Variants in COX7B2 observed in about 807,000 individuals in gnomAD.
The protein encoded by COX7B2 is cytochrome c oxidase subunit 7B2, mitochondrial.
For missense variants in COX7B2, 109 were observed against 95.9 expected (o/e 1.14, Z -0.57); for synonymous variants, 37 against 32.1 (o/e 1.15, Z -0.51).
At chr4:46,797,239 T>C (rs921659982) in intron 2 of COX7B2, among the ~76,000 whole-genome samples, 23 of 151,724 alleles carry the variant, frequency 1.5e-4, no homozygotes, top group Non-Finnish European at 2.8e-4. Flanking sequence ...AGAATAACTG[T>C]ACACTGGGGA....
intron 1 of COX7B2, among the ~76,000 whole-genome samples, chr4:46,868,437 T>A (rs1171326470): frequency 2.6e-5 from 4 of 152,242 alleles, no homozygotes; most frequent in African/African-American, 4.8e-5. Context: ...TTCTTGCTTC[T>A]CTAATTCTTT....
At chr4:46,883,712 A>T (rs1718891975) in intron 1 of COX7B2, among the ~76,000 whole-genome samples, 1 of 151,944 alleles carries the variant, frequency 6.6e-6, no homozygotes, top group Admixed American at 6.6e-5. Flanking sequence ...GTGAGCCAAG[A>T]TTGTGTTACT....
chr4:46,781,743 G>C (rs562264928), intron 2 of COX7B2, among the ~76,000 whole-genome samples: 158 of 152,324 alleles, frequency 1.0e-3, no homozygotes, highest in African/African-American at 3.6e-3. Context: ...GTTCCGGGTG[G>C]GCGCAGGCTC....
chr4:46,829,026 A>G (rs1381676880), intron 2 of COX7B2, among the ~76,000 whole-genome samples: 1 of 152,176 alleles, frequency 6.6e-6, no homozygotes, highest in East Asian at 1.9e-4. Flanking sequence ...TCAAATGAAG[A>G]AAACTATGAA....
intron 2 of COX7B2, among the ~76,000 whole-genome samples, chr4:46,744,966 A>C (rs1217608559): frequency 6.6e-6 from 1 of 152,032 alleles, no homozygotes; most frequent in Non-Finnish European, 1.5e-5. Flanking sequence ...TCCTGAGCTC[A>C]GGCAATCTGC....
At chr4:46,878,166 C>T (rs1718463604) in intron 1 of COX7B2, among the ~76,000 whole-genome samples, 1 of 151,778 alleles carries the variant, frequency 6.6e-6, no homozygotes, top group African/African-American at 2.4e-5. Context: ...TGTGTGATTT[C>T]ACTTATATGC....
At chr4:46,810,925 G>A (rs1021239179) in intron 2 of COX7B2, among the ~76,000 whole-genome samples, 1 of 152,064 alleles carries the variant, frequency 6.6e-6, no homozygotes, top group Non-Finnish European at 1.5e-5. Context: ...ACTACTCTTG[G>A]CTGATAGATT....
chr4:46,894,418 G>C (rs765735639), intron 1 of COX7B2, among the ~76,000 whole-genome samples: 10 of 152,000 alleles, frequency 6.6e-5, no homozygotes, highest in Non-Finnish European at 1.2e-4. Context: ...AAACGGTGCT[G>C]GAATAACAGG....
intron 1 of COX7B2, among the ~76,000 whole-genome samples, chr4:46,849,896 G>C (rs1716552795): frequency 1.3e-5 from 2 of 151,940 alleles, no homozygotes; most frequent in African/African-American, 2.4e-5. Context: ...TTAAGAATAT[G>C]TTCATATAAC....
In COX7B2 at chr4:46,881,199, T is replaced by A. The variant is rs957134685; in HGVS notation, c.-105+27961A>T. The stretch of plus-strand genomic sequence containing the variant: ...AGCCTCAGGAAGACCTGACGACATG[T>A]GCCCAAGGTGGTCAGGGCACAGCTT... On this transcript the variant is annotated intron_variant, in intron 1 of 2. Coordinates refer to ENST00000355591, the MANE Select transcript of COX7B2 (RefSeq NM_130902.3). Among the ~76,000 whole-genome samples, 20 of 152,248 alleles carry A rather than the reference T, an allele frequency of 1.3e-4. 1 individual carries two copies. Among genetic ancestry groups the A allele is most frequent in the South Asian group, 1.2e-3 (6 of 4,826 alleles).
intron 2 of COX7B2, among the ~76,000 whole-genome samples, chr4:46,812,922 C>A (rs1011198441): frequency 3.3e-5 from 5 of 152,136 alleles, no homozygotes; most frequent in African/African-American, 4.8e-5. Flanking sequence ...CAGGCTGCTG[C>A]CTCACCTATT....
At chr4:46,862,177 A>G (rs1717375581) in intron 1 of COX7B2, among the ~76,000 whole-genome samples, 1 of 152,228 alleles carries the variant, frequency 6.6e-6, no homozygotes, top group Admixed American at 6.5e-5. Context: ...CCCTTATTAA[A>G]AAGGAGAAAA....
At chr4:46,765,588 A>C (rs1047181143) in intron 2 of COX7B2, among the ~76,000 whole-genome samples, 1 of 151,800 alleles carries the variant, frequency 6.6e-6, no homozygotes, top group Non-Finnish European at 1.5e-5. Context: ...CCAACAGCAG[A>C]CAATCCCCCA....
chr4:46,780,193 T>C (rs1051811253), intron 2 of COX7B2, among the ~76,000 whole-genome samples: 5 of 152,180 alleles, frequency 3.3e-5, no homozygotes, highest in Non-Finnish European at 5.9e-5. Context: ...AACTCAGCTA[T>C]GACTAAAGGT....
At chr4:46,899,268 G>T (rs1293605215) in intron 1 of COX7B2, among the ~76,000 whole-genome samples, 1 of 152,064 alleles carries the variant, frequency 6.6e-6, no homozygotes. Context: ...TTTCAAGCTA[G>T]ATTTCAGTAC....
chr4:46,882,146 G>C (rs190737694), intron 1 of COX7B2, among the ~76,000 whole-genome samples: 2 of 152,206 alleles, frequency 1.3e-5, no homozygotes, highest in Non-Finnish European at 1.5e-5. Context: ...TTATTGTACT[G>C]TGATCTGAGA....
intron 1 of COX7B2, among the ~76,000 whole-genome samples, chr4:46,898,802 G>A (rs1390713095): frequency 2.0e-5 from 3 of 152,096 alleles, no homozygotes; most frequent in African/African-American, 7.2e-5. Context: ...AACATTGCCT[G>A]TAGCATCTGA....
At position 46,765,003 on chromosome 4, in the gene COX7B2, C is replaced by A. The variant is rs572058882; in HGVS notation, c.-49-29762G>T. Among the ~76,000 whole-genome samples the A allele has an allele frequency of 3.3e-5, 5 of 151,924 alleles. No homozygotes were observed. The South Asian group carries it at 8.3e-4, about 25-fold the overall frequency. The stretch of plus-strand genomic sequence containing the variant: ...TTCTGAACTTATTCTGAAGTGTTAA[C>A]ATGCACAAAATTCAAAACAAATAAA... On this transcript the variant is annotated intron_variant, in intron 2 of 2. Transcript: ENST00000355591.
chr4:46,836,696 T>G (rs1715538249), intron 2 of COX7B2, among the ~76,000 whole-genome samples: 1 of 152,124 alleles, frequency 6.6e-6, no homozygotes, highest in African/African-American at 2.4e-5. Flanking sequence ...TATAATGAAC[T>G]GTATATAATG....
Sources: allele counts gnomAD v4.1 joint callset (sites outside exome capture counted in the v4.1 genomes callset), GRCh38; gene constraint gnomAD v4.1.1; transcripts MANE v1.5; gene names NCBI Gene and HGNC (gene_info 2026-07-23, HGNC 2026-07-21).